The following DNAAF10 variants were observed in gnomAD, a reference collection of about 807,000 sequenced individuals.
DNAAF10 encodes WD repeat domain 92.
Under a neutral mutation model 43.7 loss-of-function variants are expected in DNAAF10, and 28 were observed. That is an observed-to-expected ratio of 0.64 (90% CI 0.48 to 0.88). The LOEUF (loss-of-function observed/expected upper bound fraction) is 0.88. Among genes scored for constraint, DNAAF10 ranks in the 40% least tolerant of loss-of-function variants. The pLI is 0.00. For missense variants in DNAAF10, 403 were observed against 439.1 expected, an observed-to-expected ratio of 0.92 and a Z score of 0.73; for synonymous variants, 156 against 157.3, an observed-to-expected ratio of 0.99 and a Z score of 0.06.
At chr2:68,140,295 G>A (rs956581216) in intron 4 of DNAAF10, among the ~76,000 whole-genome samples, 2 of 151,854 alleles carry the variant, frequency 1.3e-5, no homozygotes, top group Non-Finnish European at 2.9e-5. Context: ...CCACCTAGAT[G>A]GTACACCATC....
intron 1 of DNAAF10, 173 bp downstream of exon 1, chr2:68,157,088 A>C: frequency 1.1e-6 from 1 of 922,198 alleles, no homozygotes; most frequent in Non-Finnish European, 1.6e-6. Flanking sequence ...GCGGATGAGA[A>C]GAAAGGTTTT....
At chr2:68,139,914 A>G (rs1434053277) in intron 4 of DNAAF10, among the ~76,000 whole-genome samples, 1 of 152,226 alleles carries the variant, frequency 6.6e-6, no homozygotes, top group East Asian at 1.9e-4. Context: ...TTATACCTCT[A>G]TTGCTTTCTT....
intron 1 of DNAAF10, among the ~76,000 whole-genome samples, chr2:68,148,017 CT>C (rs892116724): frequency 6.6e-6 from 1 of 152,142 alleles, no homozygotes; most frequent in Non-Finnish European, 1.5e-5. Flanking sequence ...TCTCTGGGGC[CT>C]TTTCAATGCA....
chr2:68,147,405 TAATG>T, intron 2 of DNAAF10, 58 bp downstream of exon 2: 1 of 1,201,916 alleles, frequency 8.3e-7, no homozygotes, highest in South Asian at 1.3e-5. Flanking sequence ...AGAGAAAGAG[TAATG>T]AAACTATCAA....
chr2:68,133,578 C>T (rs576061930), intron 7 of DNAAF10, among the ~76,000 whole-genome samples: 37 of 152,020 alleles, frequency 2.4e-4, no homozygotes, highest in Non-Finnish European at 4.4e-4. Flanking sequence ...CATGGTGAAA[C>T]CCCGTCTCTA....
intron 1 of DNAAF10, among the ~76,000 whole-genome samples, chr2:68,156,722 C>T (rs1673627176): frequency 6.6e-6 from 1 of 152,240 alleles, no homozygotes; most frequent in African/African-American, 2.4e-5. Flanking sequence ...TTGTCCTTTA[C>T]TCCTAGTTTG....
chr2:68,131,651 ATTAG>A (rs1672933569), intron 7 of DNAAF10: 1 of 547,346 alleles, frequency 1.8e-6, no homozygotes, highest in Non-Finnish European at 3.2e-6. Flanking sequence ...AAAAAGGGTT[ATTAG>A]TTCTACTAAA....
At position 68,157,371 on chromosome 2, in the gene DNAAF10, T is replaced by C; in HGVS notation, c.73A>G (p.Lys25Glu). 1 of 1,614,146 alleles carries C rather than the reference T, an allele frequency of 6.2e-7. No individual in the cohort carries two copies. Among genetic ancestry groups the C allele is most frequent in the African/African-American group, 1.3e-5 (1 of 75,014 alleles). The change falls in exon 1 of 8, where the codon AAG (lysine) becomes GAG (glutamate). Residue 25 changes from lysine to glutamate, a missense_variant. Lys to Glu is a moderately conservative substitution (Grantham distance 56, BLOSUM62 1). Coordinates refer to ENST00000295121, the MANE Select transcript of DNAAF10 (RefSeq NM_138458.4). ...AATTTGGCGCTGCAGGGCACCCACT[T>C]ACAGTCAAACACCGTGTAGTTGAAG... ...KGFNYTVFDC[K>E]WVPCSAKFVT... is the part of the protein sequence containing the mutation.
At chr2:68,139,498 G>A (rs1673125673) in intron 4 of DNAAF10, among the ~76,000 whole-genome samples, 1 of 151,766 alleles carries the variant, frequency 6.6e-6, no homozygotes, top group Admixed American at 6.6e-5. Flanking sequence ...ACTAATATAA[G>A]CTCATTCACT....
chr2:68,154,196 A>T (rs576893079), intron 1 of DNAAF10, among the ~76,000 whole-genome samples: 2 of 152,168 alleles, frequency 1.3e-5, no homozygotes, highest in Admixed American at 1.3e-4. Flanking sequence ...CAGACAACTC[A>T]TGGTAGAAAA....
chr2:68,134,099 G>A, intron 7 of DNAAF10: 3 of 978,484 alleles, frequency 3.1e-6, no homozygotes, highest in Non-Finnish European at 2.4e-6. Flanking sequence ...ATTTTTATCA[G>A]ACCTTTAATT....
chr2:68,150,812 T>G (rs1673439268), intron 1 of DNAAF10, among the ~76,000 whole-genome samples: 1 of 152,244 alleles, frequency 6.6e-6, no homozygotes. Context: ...TGGTTACTTG[T>G]GATGTAAAAA....
At chr2:68,154,543 G>A (rs951250802) in intron 1 of DNAAF10, among the ~76,000 whole-genome samples, 2 of 152,186 alleles carry the variant, frequency 1.3e-5, no homozygotes, top group Admixed American at 1.3e-4. Flanking sequence ...ACCACACCCG[G>A]CGTGAAAATA....
intron 1 of DNAAF10, among the ~76,000 whole-genome samples, chr2:68,155,566 C>T (rs746104120): frequency 5.3e-5 from 8 of 151,586 alleles, no homozygotes; most frequent in Non-Finnish European, 7.4e-5. Context: ...AATGGTGGCT[C>T]ACACCTGATC....
At chr2:68,149,379 C>T (rs980171942) in intron 1 of DNAAF10, among the ~76,000 whole-genome samples, 5 of 152,128 alleles carry the variant, frequency 3.3e-5, no homozygotes, top group African/African-American at 1.2e-4. Context: ...CGAAATCAGC[C>T]ACGTACAGTA....
intron 3 of DNAAF10, among the ~76,000 whole-genome samples, chr2:68,143,141 G>C (rs535467554): frequency 2.0e-5 from 3 of 151,610 alleles, no homozygotes; most frequent in African/African-American, 7.3e-5. Flanking sequence ...GGATTACAGA[G>C]ATGAGCCACT....
chr2:68,150,437 G>T (rs1205791997), intron 1 of DNAAF10, among the ~76,000 whole-genome samples: 2 of 152,074 alleles, frequency 1.3e-5, no homozygotes, highest in Non-Finnish European at 2.9e-5. Context: ...ATGAACACCA[G>T]TTAAAAAAAC....
intron 4 of DNAAF10, among the ~76,000 whole-genome samples, chr2:68,140,018 C>G (rs990621146): frequency 1.1e-4 from 16 of 152,114 alleles, no homozygotes; most frequent in African/African-American, 2.4e-4. Context: ...ACAAGGAAAT[C>G]TGAAATAAGT....
chr2:68,137,522 C>G, intron 5 of DNAAF10, 89 bp from the exon 6 acceptor site: 1 of 1,231,594 alleles, frequency 8.1e-7, no homozygotes, highest in Non-Finnish European at 1.1e-6. Context: ...TTAAAATGGT[C>G]AGATAATGTG....
Sources: allele counts gnomAD v4.1 joint callset (sites outside exome capture counted in the v4.1 genomes callset), GRCh38; gene constraint gnomAD v4.1.1; transcripts MANE v1.5; gene names NCBI Gene and HGNC (gene_info 2026-07-23, HGNC 2026-07-21).